MTHFSD: variants seen among roughly 807,000 people sequenced by gnomAD.
The protein encoded by MTHFSD is methenyltetrahydrofolate synthase domain-containing protein.
A neutral mutation model predicts 31.1 loss-of-function variants in MTHFSD; 37 were observed. The ratio of observed to expected loss-of-function variants is 1.19; its 90% confidence interval spans 0.91 to 1.56. The LOEUF (loss-of-function observed/expected upper bound fraction) is 1.56, where lower values mean the gene tolerates loss of function less well. Ranked by LOEUF, MTHFSD falls within the 40% of genes most tolerant of loss-of-function variation. The pLI, the probability that MTHFSD is intolerant of heterozygous loss-of-function variation, is 0.00. For synonymous variants in MTHFSD, 221 were observed against 206.9 expected (o/e 1.07, Z -0.59); for missense variants, 664 against 510.1 (o/e 1.30, Z -2.91).
rs772616701 is a variant in MTHFSD, at chr16:86,541,686, C to T, written c.681+11G>A. 20 of 1,610,930 alleles carry T rather than the reference C, an allele frequency of 1.2e-5. No individual in the cohort carries two copies. The South Asian group carries it at 2.2e-4, about 18-fold the overall frequency. On this transcript the variant is annotated intron_variant, in intron 7 of 7. Coordinates refer to ENST00000360900, the MANE Select transcript of MTHFSD (RefSeq NM_001159377.2). ...AGCTACAGGCCAGAGCTGGCCACTG[C>T]CGTGACCCACCTTGAACCAGGTGAT...
At position 86,548,116 on chromosome 16, in the gene MTHFSD, T is replaced by G; in HGVS notation, c.351+348A>C. 3 of 1,296,262 alleles carry G rather than the reference T, an allele frequency of 2.3e-6. No individual in the cohort carries two copies. The South Asian group carries it at 3.7e-5, about 16-fold the overall frequency. The allele number at this position is 1,296,262 out of a possible 1,614,324, so 80.3% of individuals were successfully genotyped here. Reference sequence around the variant, plus strand: ...CCCCAGTCGCTCTGGTGGCACCTGATGAACAGGCCGGGAATAAGAAAAAGC... The same window carrying G: ...CCCCAGTCGCTCTGGTGGCACCTGAGGAACAGGCCGGGAATAAGAAAAAGC... On this transcript the variant is annotated intron_variant, in intron 4 of 7. Transcript: ENST00000360900.
chr16:86,549,994 G>A (rs962091858), intron 3 of MTHFSD, among the ~76,000 whole-genome samples: 2 of 149,032 alleles, frequency 1.3e-5, no homozygotes, highest in Non-Finnish European at 3.0e-5. Context: ...CGGACTGTCC[G>A]GTCAGACACT....
In MTHFSD at chr16:86,530,786, G is replaced by A. The variant is rs1488730472; in HGVS notation, c.*1225C>T. ...ACAAACGTGACCAGCCGTGCGGGCG[G>A]GGGCAAGGCCAAGGACACAGAGGGC... On this transcript the variant is annotated 3_prime_UTR_variant, in exon 8 of 8. Coordinates refer to ENST00000360900, the MANE Select transcript of MTHFSD (RefSeq NM_001159377.2). The A allele has an allele frequency of 1.3e-5, 2 of 152,278 alleles. No individual in the cohort carries two copies. The highest frequency in any genetic ancestry group is 3.9e-4 in the East Asian group (2 of 5,192). 9.4% of individuals were successfully genotyped at this position (152,278 alleles called of 1,614,324 possible). A position where few individuals can be genotyped will look rare whatever the true frequency, so the allele number is the denominator to read the frequency against.
chr16:86,551,182 C>T (rs1396891688), intron 3 of MTHFSD, among the ~76,000 whole-genome samples: 1 of 152,156 alleles, frequency 6.6e-6, no homozygotes, highest in Non-Finnish European at 1.5e-5. Context: ...AAGCTATCTG[C>T]ATTAAAATTT....
chr16:86,550,716 G>T (rs1317657872), intron 3 of MTHFSD, among the ~76,000 whole-genome samples: 1 of 152,224 alleles, frequency 6.6e-6, no homozygotes, highest in East Asian at 1.9e-4. Context: ...TGCTACTGCT[G>T]CTATTACTAC....
In MTHFSD at chr16:86,541,755, G is replaced by A. The variant is rs1408194201; in HGVS notation, c.623C>T (p.Thr208Ile). 1 of 1,614,206 alleles carries A rather than the reference G, an allele frequency of 6.2e-7. No individual in the cohort carries two copies. The highest frequency in any genetic ancestry group is 8.5e-7 in the Non-Finnish European group (1 of 1,180,038). The change falls in exon 7 of 8, where the codon ACC becomes ATC. Residue 208 changes from threonine (T) to isoleucine (I), a missense_variant. By Grantham distance (89) the Thr-to-Ile change is moderately conservative. Transcript: ENST00000360900. ...CTTGCAGCCTGTGGCGATGACTCTG[G>A]TTGGAGTGAGGATGTAGTCCACAGT... ...DITVDYILTPTRVIATGCKRP... is the reference protein window; with the variant it reads ...DITVDYILTPIRVIATGCKRP...
chr16:86,554,324 G>T (rs552947145), intron 2 of MTHFSD, among the ~76,000 whole-genome samples: 1 of 152,256 alleles, frequency 6.6e-6, no homozygotes, highest in Admixed American at 6.5e-5. Context: ...CTCCAGACAC[G>T]CTGCCTTTAA....
At chr16:86,540,619 A>C (rs1415227995) in intron 7 of MTHFSD, 1 of 949,726 alleles carries the variant, frequency 1.1e-6, no homozygotes, top group Non-Finnish European at 1.3e-6. Context: ...CTCGGCTCTG[A>C]GGAGCCGCCA....
chr16:86,535,501 T>C lies in MTHFSD; in HGVS notation c.682-3020A>G, dbSNP rs928918387. The C allele has an allele frequency of 2.4e-5, 24 of 985,308 alleles. No individual in the cohort carries two copies. In the African/African-American group the frequency reaches 4.2e-4, roughly 17 times the overall value. The allele number at this position is 985,308 out of a possible 1,614,324, so 61.0% of individuals were successfully genotyped here. ...CCTGGCTGGCAATGAGGAATAGTTGTTACATTCTGTCAATCTGGCATGTGA... is the reference window on the plus strand; with the variant it reads ...CCTGGCTGGCAATGAGGAATAGTTGCTACATTCTGTCAATCTGGCATGTGA... On this transcript the variant is annotated intron_variant, in intron 7 of 7. Transcript: ENST00000360900.
chr16:86,542,470 G>GC lies in MTHFSD; in HGVS notation c.443-258dup, dbSNP rs1971663689. ...ATGACGTGAACACTGGACCGTTCAA[G>GC]CATGTCACAAAGGGAAACAGATCAC... On this transcript the variant is annotated intron_variant, in intron 5 of 7. Coordinates refer to ENST00000360900, the MANE Select transcript of MTHFSD (RefSeq NM_001159377.2). The surrounding 1 kb of genome is among the most constrained non-coding windows in gnomAD (Gnocchi z 4.6). The GC allele has an allele frequency of 2.3e-6, 1 of 443,142 alleles. No homozygotes were observed. The highest frequency in any genetic ancestry group is 4.0e-6 in the Non-Finnish European group (1 of 249,110). The allele number at this position is 443,142 out of a possible 1,614,324, so 27.5% of individuals were successfully genotyped here. A position where few individuals can be genotyped will look rare whatever the true frequency, so the allele number is the denominator to read the frequency against.
At position 86,531,774 on chromosome 16, in the gene MTHFSD, C is replaced by T. The variant is rs1050190715; in HGVS notation, c.*237G>A. 1.1e-5 allele frequency: 4 copies of T among 374,478 alleles called. No homozygotes were observed. Among genetic ancestry groups the T allele is most frequent in the East Asian group, 4.0e-5 (1 of 25,310 alleles). 23.2% of individuals were successfully genotyped at this position (374,478 alleles called of 1,614,324 possible). A position where few individuals can be genotyped will look rare whatever the true frequency, so the allele number is the denominator to read the frequency against. ...AACCGACTCAAGGCCCGAGCCTGCA[C>T]GATTGGGAGGCTGCAGTCTCTGCGC... is the stretch of plus-strand genomic sequence containing the variant. On this transcript the variant is annotated 3_prime_UTR_variant, in exon 8 of 8. Transcript: ENST00000360900. The surrounding 1 kb of genome is among the most constrained non-coding windows in gnomAD (Gnocchi z 5.5).
chr16:86,532,337 C>G lies in MTHFSD; in HGVS notation c.826G>C (p.Gly276Arg), dbSNP rs368932103. 5 of 1,594,554 alleles carry G rather than the reference C, an allele frequency of 3.1e-6. No individual in the cohort carries two copies. The highest frequency in any genetic ancestry group is 4.3e-6 in the Non-Finnish European group (5 of 1,171,288). ...CCGGGTGTGTCCGGGGGCCTCCTGC[C>G]AACACTCAGGGGCACTGTCTGCTGG... ...GCQQTVPLSVGRRPPDTPGPE... is the reference protein window; with the variant it reads ...GCQQTVPLSVRRRPPDTPGPE... Residue 276 changes from glycine to arginine, a missense_variant, in exon 8 of 8, where the codon GGC (glycine) becomes CGC (arginine). Transcript: ENST00000360900.
chr16:86,537,413 C>T (rs370604417), intron 7 of MTHFSD, among the ~76,000 whole-genome samples: 1 of 152,132 alleles, frequency 6.6e-6, no homozygotes, highest in East Asian at 1.9e-4. Flanking sequence ...GGACTCCCCC[C>T]ACCCCCATTT....
chr16:86,548,547 G>T lies in MTHFSD; in HGVS notation c.268C>A (p.Arg90=), dbSNP rs771136144. The part of the protein sequence containing the change: ...SKKTLLVPTP[R]LRTGLFNKIT... Reference sequence around the variant, plus strand: ...TTATTAAACAATCCCGTTCTCAGTCGTGGTGTTGGAACCAACAATGTTTTT... The same window carrying T: ...TTATTAAACAATCCCGTTCTCAGTCTTGGTGTTGGAACCAACAATGTTTTT... The change falls in exon 4 of 8, where the codon CGA becomes AGA. Residue 90 remains arginine (R), a synonymous_variant. Coordinates refer to ENST00000360900, the MANE Select transcript of MTHFSD (RefSeq NM_001159377.2). 1.2e-6 allele frequency: 2 copies of T among 1,612,696 alleles called. No homozygotes were observed. The highest frequency in any genetic ancestry group is 1.7e-6 in the Non-Finnish European group (2 of 1,179,618).
chr16:86,553,611 C>T, intron 2 of MTHFSD: 1 of 157,278 alleles, frequency 6.4e-6, no homozygotes, highest in Non-Finnish European at 1.4e-5. Context: ...CCAAGACCTG[C>T]AGCCTGCCAT....
Position 86,532,643 on chromosome 16 carries a change from T to G in MTHFSD, c.682-162A>C, listed in dbSNP as rs1401239576. 5.0e-5 allele frequency: 23 copies of G among 460,302 alleles called. No homozygotes were observed. In the East Asian group the frequency reaches 8.1e-4, roughly 16 times the overall value. 28.5% of individuals were successfully genotyped at this position (460,302 alleles called of 1,614,324 possible). On this transcript the variant is annotated intron_variant, in intron 7 of 7. Transcript: ENST00000360900. ...GGGACTCCCACTGTCCCACCCACTA[T>G]CTCACACAGACGATGTCACCAGTCT...
At chr16:86,544,428 C>T (rs1368304924) in intron 5 of MTHFSD, among the ~76,000 whole-genome samples, 1 of 152,162 alleles carries the variant, frequency 6.6e-6, no homozygotes, top group Non-Finnish European at 1.5e-5. Context: ...AGGGCATGAA[C>T]AGACACTCCT....
chr16:86,547,925 T>A (rs1031346932), intron 4 of MTHFSD: 1 of 704,316 alleles, frequency 1.4e-6, no homozygotes, highest in Admixed American at 3.7e-5. Context: ...GTAAAATACA[T>A]GACCAATTTT....
At chr16:86,544,183 G>A (rs921049402) in intron 5 of MTHFSD, among the ~76,000 whole-genome samples, 1 of 152,174 alleles carries the variant, frequency 6.6e-6, no homozygotes, top group Non-Finnish European at 1.5e-5. Flanking sequence ...CCTGGTCCAT[G>A]GAAAAATTGT....
Sources: allele counts gnomAD v4.1 joint callset (sites outside exome capture counted in the v4.1 genomes callset), GRCh38; gene constraint gnomAD v4.1.1; non-coding constraint Gnocchi (gnomAD v3.1); transcripts MANE v1.5; gene names NCBI Gene and HGNC (gene_info 2026-07-23, HGNC 2026-07-21).